Variants in NCOA3 observed in about 807,000 individuals in gnomAD.
NCOA3 encodes CBP-interacting protein.
In NCOA3, 51 loss-of-function variants were observed where a neutral mutation model predicts 158.8. The observed-to-expected ratio is 0.32, with a 90% CI of 0.26 to 0.41. NCOA3 has a LOEUF of 0.41. Ranked by LOEUF, NCOA3 falls within the 10% of genes least tolerant of loss-of-function variation. The pLI, the probability that NCOA3 is intolerant of heterozygous loss-of-function variation, is 1.00. For synonymous variants in NCOA3, 537 were observed against 592.4 expected, an observed-to-expected ratio of 0.91 and a Z score of 1.36; for missense variants, 1,510 against 1,746.6, an observed-to-expected ratio of 0.86 and a Z score of 2.41.
chr20:47,525,685 C>T lies in NCOA3; in HGVS notation c.-99+23666C>T, dbSNP rs867928286. 1.0e-4 allele frequency among the ~76,000 whole-genome samples: 14 copies of T among 133,654 alleles called. No individual in the cohort carries two copies. The East Asian group carries it at 1.2e-3, about 11-fold the overall frequency. 87.7% of individuals were successfully genotyped at this position (133,654 alleles called of 152,430 possible). A position where few individuals can be genotyped will look rare whatever the true frequency, so the allele number is the denominator to read the frequency against. ...GGGCTGACCCCCCCCACCTCCCTCC[C>T]GGACGGGGCGGCTGGCCGGGCGGGG... On this transcript the variant is annotated intron_variant, in intron 1 of 22. Coordinates refer to ENST00000371998, the MANE Select transcript of NCOA3 (RefSeq NM_181659.3).
intron 1 of NCOA3, among the ~76,000 whole-genome samples, chr20:47,567,486 C>G (rs578074062): frequency 6.6e-6 from 1 of 151,934 alleles, no homozygotes; most frequent in Non-Finnish European, 1.5e-5. Context: ...CACTCAACCT[C>G]GAACTCCTGG....
rs774928813 is a variant in NCOA3, at chr20:47,651,082, AGC to A, written c.3753_3754del (p.Gln1252AlafsTer33). 314 of 1,577,470 alleles carry A rather than the reference AGC, an allele frequency of 2.0e-4. 3 individuals carry two copies. Among genetic ancestry groups the A allele is most frequent in the South Asian group, 6.9e-4 (62 of 89,654 alleles). Reference sequence around the variant, plus strand: ...GTGGCTATGATGATGCAGCAGCAGCAGCAGCAGCAACAGCAGCAGCAGCAGCA... The same window carrying A: ...GTGGCTATGATGATGCAGCAGCAGCAAGCAGCAACAGCAGCAGCAGCAGCA... On this transcript the variant is annotated frameshift_variant, in exon 20 of 23. Transcript: ENST00000371998. LOFTEE classifies it high-confidence loss of function.
intron 2 of NCOA3, among the ~76,000 whole-genome samples, chr20:47,594,677 A>G (rs1217619779): frequency 1.2e-5 from 1 of 83,948 alleles, no homozygotes; most frequent in Middle Eastern, 6.5e-3. Flanking sequence ...AAAAAAAAAA[A>G]AAAAAAAAAA....
intron 13 of NCOA3, 106 bp downstream of exon 13, chr20:47,637,889 TC>T (rs1277974290): frequency 9.9e-7 from 1 of 1,010,730 alleles, no homozygotes; most frequent in African/African-American, 1.7e-5. Context: ...ATTTATAACT[TC>T]AGAACATATA....
chr20:47,536,812 T>C (rs372006700), intron 1 of NCOA3, among the ~76,000 whole-genome samples: 6 of 150,980 alleles, frequency 4.0e-5, no homozygotes, highest in East Asian at 1.9e-4. Flanking sequence ...TTTCTTTTTT[T>C]TTTTTTTTTT....
rs3092417 is a variant in NCOA3, at chr20:47,653,602, A to G, written c.*185A>G. 0.076 allele frequency: 53,813 copies of G among 705,502 alleles called. 2,532 individuals are homozygous for G. Among genetic ancestry groups the G allele is most frequent in the Non-Finnish European group, 0.093 (38,574 of 414,978 alleles). 43.7% of individuals were successfully genotyped at this position (705,502 alleles called of 1,614,324 possible). On this transcript the variant is annotated 3_prime_UTR_variant, in exon 23 of 23. Coordinates refer to ENST00000371998, the MANE Select transcript of NCOA3 (RefSeq NM_181659.3). Reference sequence around the variant, plus strand: ...GATTTTAAGCCGAAGGGCAATATCTACGTGTTTTTCCCCCCTCCTTCTGCT... The same window carrying G: ...GATTTTAAGCCGAAGGGCAATATCTGCGTGTTTTTCCCCCCTCCTTCTGCT...
At chr20:47,632,333 C>T (rs1317039360) in intron 8 of NCOA3, among the ~76,000 whole-genome samples, 1 of 151,284 alleles carries the variant, frequency 6.6e-6, no homozygotes, top group African/African-American at 2.4e-5. Context: ...TTCCCAGCAC[C>T]TTAATGTACT....
chr20:47,621,518 TTAGTACAGATAAAATTC>T (rs1485069451), intron 2 of NCOA3, among the ~76,000 whole-genome samples: 2 of 152,142 alleles, frequency 1.3e-5, no homozygotes, highest in Non-Finnish European at 2.9e-5. Flanking sequence ...AAACAAGAGT[TTAGTACAGATAAAATTC>T]TTAGCAAATG....
At chr20:47,523,722 C>A (rs2084381909) in intron 1 of NCOA3, among the ~76,000 whole-genome samples, 1 of 152,152 alleles carries the variant, frequency 6.6e-6, no homozygotes, top group South Asian at 2.1e-4. Context: ...TTTACTAAAC[C>A]CAATAAAAAG....
In NCOA3 at chr20:47,561,166, G is replaced by A. The variant is rs138262960; in HGVS notation, c.-98-22017G>A. On this transcript the variant is annotated intron_variant, in intron 1 of 22. Coordinates refer to ENST00000371998, the MANE Select transcript of NCOA3 (RefSeq NM_181659.3). ...TTTTTTGTATTTTTTGTAGAGACAG[G>A]GTTTCGCCATGTTGCCCAAGCTGGT... Among the ~76,000 whole-genome samples, 1,164 of 151,392 alleles carry A rather than the reference G, an allele frequency of 7.7e-3. 10 individuals are homozygous for A. The highest frequency in any genetic ancestry group is 0.012 in the Non-Finnish European group (831 of 67,896).
Position 47,626,947 on chromosome 20 carries a change from G to A in NCOA3, c.358-55G>A, listed in dbSNP as rs891744879. 5 of 1,423,500 alleles carry A rather than the reference G, an allele frequency of 3.5e-6. No individual in the cohort carries two copies. In the African/African-American group the frequency reaches 7.2e-5, roughly 20 times the overall value. The allele number at this position is 1,423,500 out of a possible 1,614,324, so 88.2% of individuals were successfully genotyped here. A position where few individuals can be genotyped will look rare whatever the true frequency, so the allele number is the denominator to read the frequency against. Reference sequence around the variant, plus strand: ...TTAGAGTTTCAATTTAAGAATTAGAGGGAGGAGGATACAATTCAGTCCATA... The same window carrying A: ...TTAGAGTTTCAATTTAAGAATTAGAAGGAGGAGGATACAATTCAGTCCATA... On this transcript the variant is annotated intron_variant, in intron 5 of 22. Transcript: ENST00000371998.
chr20:47,534,566 T>C (rs79275721), intron 1 of NCOA3, among the ~76,000 whole-genome samples: 2 of 152,244 alleles, frequency 1.3e-5, no homozygotes, highest in African/African-American at 2.4e-5. Flanking sequence ...GAATAAGATA[T>C]GAAAAAACCT....
intron 1 of NCOA3, among the ~76,000 whole-genome samples, chr20:47,517,530 A>C (rs1358167705): frequency 6.8e-6 from 1 of 146,262 alleles, no homozygotes; most frequent in Non-Finnish European, 1.5e-5. Flanking sequence ...GGCTCACTAC[A>C]ACCTCTGCCT....
At chr20:47,590,108 T>C (rs1035395513) in intron 2 of NCOA3, among the ~76,000 whole-genome samples, 6 of 152,100 alleles carry the variant, frequency 3.9e-5, no homozygotes, top group African/African-American at 1.4e-4. Flanking sequence ...TGTCCTGCCC[T>C]ACTATCTTTG....
At chr20:47,564,645 A>G (rs989540697) in intron 1 of NCOA3, among the ~76,000 whole-genome samples, 2 of 150,114 alleles carry the variant, frequency 1.3e-5, no homozygotes, top group Admixed American at 1.3e-4. Context: ...TTGTATCTTG[A>G]TGTACTTGTG....
chr20:47,588,968 A>C (rs1314899223), intron 2 of NCOA3, among the ~76,000 whole-genome samples: 1 of 152,138 alleles, frequency 6.6e-6, no homozygotes, highest in East Asian at 1.9e-4. Context: ...AGCTCACTGC[A>C]ACCTCTGCCT....
At chr20:47,544,611 A>C (rs2084799186) in intron 1 of NCOA3, among the ~76,000 whole-genome samples, 1 of 152,050 alleles carries the variant, frequency 6.6e-6, no homozygotes, top group Admixed American at 6.6e-5. Flanking sequence ...TCTTACTTTG[A>C]ATACTATTGA....
chr20:47,583,522 A>G (rs1209253304), intron 2 of NCOA3, among the ~76,000 whole-genome samples: 1 of 152,194 alleles, frequency 6.6e-6, no homozygotes, highest in Non-Finnish European at 1.5e-5. Flanking sequence ...GACTCCCCCC[A>G]AACTTAACTA....
In NCOA3 at chr20:47,634,115, T is replaced by A. The variant is rs774075297; in HGVS notation, c.1032T>A (p.Thr344=). Residue 344 remains threonine, a synonymous_variant, in exon 10 of 23, where the codon ACT becomes ACA. Coordinates refer to ENST00000371998, the MANE Select transcript of NCOA3 (RefSeq NM_181659.3). ...RFSLADGTIV[T]AQTKSKLFRN... is the part of the protein sequence containing the mutation. ...CGTTGGCTGATGGAACTATAGTGAC[T>A]GCACAGACAAAAAGCAAACTCTTCC... The A allele has an allele frequency of 8.1e-6, 13 of 1,614,196 alleles. No homozygotes were observed. In the South Asian group the frequency reaches 1.4e-4, roughly 18 times the overall value.
Sources: allele counts gnomAD v4.1 joint callset (sites outside exome capture counted in the v4.1 genomes callset), GRCh38; gene constraint gnomAD v4.1.1; transcripts MANE v1.5; gene names NCBI Gene and HGNC (gene_info 2026-07-23, HGNC 2026-07-21).